Variants in GLRA1 observed in about 807,000 individuals in gnomAD.
GLRA1 encodes glycine receptor alpha 1.
In GLRA1, 37 loss-of-function variants were observed where a neutral mutation model predicts 48.3. The ratio of observed to expected loss-of-function variants is 0.77; its 90% CI spans 0.59 to 1.01. GLRA1 has a LOEUF of 1.01. GLRA1 is among the 50% of genes least tolerant of loss of function. The pLI, the probability that GLRA1 is intolerant of heterozygous loss-of-function variation, is 0.00. For missense variants in GLRA1, 427 were observed against 571.0 expected, an observed-to-expected ratio of 0.75 and a Z score of 2.57; for synonymous variants, 196 against 210.7, an observed-to-expected ratio of 0.93 and a Z score of 0.60.
At chr5:151,831,502 T>C (rs1227902527) in intron 7 of GLRA1, among the ~76,000 whole-genome samples, 4 of 151,950 alleles carry the variant, frequency 2.6e-5, no homozygotes, top group Non-Finnish European at 5.9e-5. Flanking sequence ...GAGTAGGCGG[T>C]TTCCCCCTCA....
intron 1 of GLRA1, among the ~76,000 whole-genome samples, chr5:151,893,505 G>T (rs144217097): frequency 2.6e-5 from 4 of 151,640 alleles, no homozygotes; most frequent in Admixed American, 1.3e-4. Context: ...GCTCTCCCTC[G>T]CCTTGCCCCC....
chr5:151,902,095 AAT>A (rs771007488), intron 1 of GLRA1, among the ~76,000 whole-genome samples: 1 of 152,198 alleles, frequency 6.6e-6, no homozygotes, highest in Non-Finnish European at 1.5e-5. Context: ...GGAATTGGAA[AAT>A]ATAGGTTGGG....
In GLRA1 at chr5:151,901,936, T is replaced by C. The variant is rs115925361; in HGVS notation, c.57-9498A>G. ...AGTGGTAGCCCCATGAGACAACTGG[T>C]CTCTGAAGCCCATGGTATTAATCAC... is the stretch of plus-strand genomic sequence containing the variant. On this transcript the variant is annotated intron_variant, in intron 1 of 8. Coordinates refer to ENST00000274576, the MANE Select transcript of GLRA1 (RefSeq NM_000171.4). 9.9e-3 allele frequency among the ~76,000 whole-genome samples: 1,501 copies of C among 152,230 alleles called. 26 individuals are homozygous for C. The highest frequency in any genetic ancestry group is 0.034 in the African/African-American group (1,421 of 41,524).
At chr5:151,849,730 T>G in intron 7 of GLRA1, 1 of 316,594 alleles carries the variant, frequency 3.2e-6, no homozygotes, top group Non-Finnish European at 5.7e-6. Flanking sequence ...TTTTTTGTAT[T>G]TTTAGTAGAG....
chr5:151,842,974 A>G (rs1224756945), intron 7 of GLRA1, among the ~76,000 whole-genome samples: 1 of 152,236 alleles, frequency 6.6e-6, no homozygotes, highest in Non-Finnish European at 1.5e-5. Context: ...TTAAACTTAA[A>G]AACAATTCAA....
In GLRA1 at chr5:151,909,826, C is replaced by G. The variant is rs967844675; in HGVS notation, c.56+14668G>C. 6.6e-5 allele frequency among the ~76,000 whole-genome samples: 10 copies of G among 152,142 alleles called. 1 individual carries two copies. The highest frequency in any genetic ancestry group is 5.9e-4 in the Admixed American group (9 of 15,284). On this transcript the variant is annotated intron_variant, in intron 1 of 8. Coordinates refer to ENST00000274576, the MANE Select transcript of GLRA1 (RefSeq NM_000171.4). ...TTTACTGTTGACTTTGGACAAGTCC[C>G]TTTCCCTCTGGCCACAGTTCCTCCC... is the stretch of plus-strand genomic sequence containing the variant.
rs1207300289 is a variant in GLRA1 at position 151,860,054 on chromosome 5, A to T, written c.253-46T>A. 3 of 1,469,336 alleles carry T rather than the reference A, an allele frequency of 2.0e-6. No homozygotes were observed. The Admixed American group carries it at 5.0e-5, about 25-fold the overall frequency. 91.0% of individuals were successfully genotyped at this position (1,469,336 alleles called of 1,614,324 possible). ...GGTGAAGGCAATGTTAGGCCCAAGGACATCAACTTTTGGAGGACCTGGGTG... is the reference window on the plus strand; with the variant it reads ...GGTGAAGGCAATGTTAGGCCCAAGGTCATCAACTTTTGGAGGACCTGGGTG... On this transcript the variant is annotated intron_variant, in intron 3 of 8. Transcript: ENST00000274576.
At chr5:151,870,830 A>G (rs1753460658) in intron 3 of GLRA1, among the ~76,000 whole-genome samples, 1 of 149,738 alleles carries the variant, frequency 6.7e-6, no homozygotes, top group Non-Finnish European at 1.5e-5. Context: ...AATTCCAGTT[A>G]TGTTAAAAGC....
intron 8 of GLRA1, among the ~76,000 whole-genome samples, chr5:151,827,230 C>A (rs1763297717): frequency 2.0e-5 from 3 of 149,466 alleles, no homozygotes; most frequent in Admixed American, 2.0e-4. Context: ...TATAGAGTAA[C>A]TAAAACTAGG....
intron 1 of GLRA1, among the ~76,000 whole-genome samples, chr5:151,911,654 G>A (rs555632308): frequency 3.1e-5 from 4 of 129,214 alleles, no homozygotes; most frequent in African/African-American, 3.0e-5. Flanking sequence ...TGCCCAGGCC[G>A]GAGTGCAGTG....
chr5:151,873,314 A>G lies in GLRA1; in HGVS notation c.253-13306T>C, dbSNP rs1004820285. ...GAATGAGATTCTTGGTTCCCTCTCC[A>G]GTTCAACCAGAACCACCCATTTAAG... On this transcript the variant is annotated intron_variant, in intron 3 of 8. Coordinates refer to ENST00000274576, the MANE Select transcript of GLRA1 (RefSeq NM_000171.4). 2.7e-5 allele frequency among the ~76,000 whole-genome samples: 4 copies of G among 149,428 alleles called. 1 individual carries two copies. The highest frequency in any genetic ancestry group is 1.0e-4 in the African/African-American group (4 of 38,812).
chr5:151,918,943 A>C (rs1363742940), intron 1 of GLRA1, among the ~76,000 whole-genome samples: 1 of 152,210 alleles, frequency 6.6e-6, no homozygotes, highest in Admixed American at 6.5e-5. Flanking sequence ...TCTTGGAGCT[A>C]TATAGAATAA....
intron 7 of GLRA1, among the ~76,000 whole-genome samples, chr5:151,845,566 CAG>C (rs1361068887): frequency 2.0e-5 from 3 of 152,054 alleles, no homozygotes; most frequent in Admixed American, 6.6e-5. Context: ...TTAAAAAAAA[CAG>C]ATAATAATAT....
rs551654232 is a variant in GLRA1 at position 151,897,126 on chromosome 5, A to G, written c.57-4688T>C. Among the ~76,000 whole-genome samples the G allele has an allele frequency of 2.6e-5, 4 of 152,304 alleles. No homozygotes were observed. The East Asian group carries it at 7.7e-4, about 29-fold the overall frequency. ...GCCAAAAGTTCCCAACTCTTTTCCA[A>G]ATACAAAGGCTCCATATTAATGCCA... On this transcript the variant is annotated intron_variant, in intron 1 of 8. Coordinates refer to ENST00000274576, the MANE Select transcript of GLRA1 (RefSeq NM_000171.4).
chr5:151,890,180 A>G (rs1171832624), intron 2 of GLRA1, among the ~76,000 whole-genome samples: 1 of 152,274 alleles, frequency 6.6e-6, no homozygotes, highest in Non-Finnish European at 1.5e-5. Context: ...TGGTTTTGAC[A>G]GCATGACTTG....
chr5:151,839,803 T>C (rs962764029), intron 7 of GLRA1, among the ~76,000 whole-genome samples: 22 of 152,166 alleles, frequency 1.4e-4, no homozygotes, highest in African/African-American at 5.3e-4. Context: ...TCTGCAAACC[T>C]GAAAAAGAAC....
At chr5:151,860,108 G>A in intron 3 of GLRA1, 100 bp from the exon 4 acceptor site, 1 of 818,558 alleles carries the variant, frequency 1.2e-6, no homozygotes. Context: ...TTTTCTGGAG[G>A]ATGTTATTAA....
intron 1 of GLRA1, among the ~76,000 whole-genome samples, chr5:151,912,135 CTGGGCCGT>C (rs1754629533): frequency 1.3e-5 from 2 of 152,026 alleles, no homozygotes; most frequent in East Asian, 1.9e-4. Flanking sequence ...ACATTTTTTT[CTGGGCCGT>C]ATCACCTCCT....
At chr5:151,847,522 C>T (rs7718936) in intron 7 of GLRA1, among the ~76,000 whole-genome samples, 5,930 of 152,208 alleles carry the variant, frequency 0.039, 379 homozygotes, top group African/African-American at 0.13. Context: ...AGTTCAAGAC[C>T]AGCCTGGCCA....
Sources: gnomAD v4.1 joint callset for allele counts (sites outside exome capture counted in the v4.1 genomes callset) on GRCh38, gnomAD v4.1.1 for gene constraint, MANE v1.5 for transcripts, NCBI Gene and HGNC (gene_info 2026-07-23, HGNC 2026-07-21) for gene names.